RAP1GAP2: variants seen among roughly 807,000 people sequenced by gnomAD.
The protein encoded by RAP1GAP2 is RAP1 GTPase activating protein 2, also known as rap1 GTPase-activating protein 2.
In RAP1GAP2, 27 loss-of-function variants were observed where a neutral mutation model predicts 95.0. The ratio of observed to expected loss-of-function variants is 0.28; its 90% CI spans 0.21 to 0.39. The LOEUF (loss-of-function observed/expected upper bound fraction) is 0.39, where lower values mean the gene tolerates loss of function less well. RAP1GAP2 is among the 10% of genes least tolerant of loss of function. The pLI is 1.00. For synonymous variants in RAP1GAP2, 373 were observed against 380.9 expected, an observed-to-expected ratio of 0.98 and a Z score of 0.24; for missense variants, 771 against 970.0, an observed-to-expected ratio of 0.79 and a Z score of 2.72.
chr17:2,828,974 T>G (rs57293133), intron 2 of RAP1GAP2, among the ~76,000 whole-genome samples: 3,124 of 131,134 alleles, frequency 0.024, 114 homozygotes, highest in African/African-American at 0.084. Flanking sequence ...TCTCAAAGAT[T>G]AATTACTTGC....
At position 2,865,244 on chromosome 17, in the gene RAP1GAP2, C is replaced by A. The variant is rs149289871; in HGVS notation, c.81-40040C>A. Among the ~76,000 whole-genome samples the A allele has an allele frequency of 5.5e-3, 832 of 152,306 alleles. 14 individuals are homozygous for A. The highest frequency in any genetic ancestry group is 6.8e-3 in the Middle Eastern group (2 of 294). Reference sequence around the variant, plus strand: ...GAGAGACCAGGTGTCCTGGTCAAGACTCCAAAACTCTGTTTTGGGTCTCCT... The same window carrying A: ...GAGAGACCAGGTGTCCTGGTCAAGAATCCAAAACTCTGTTTTGGGTCTCCT... On this transcript the variant is annotated intron_variant, in intron 2 of 24. Transcript: ENST00000254695.
intron 2 of RAP1GAP2, among the ~76,000 whole-genome samples, chr17:2,815,185 A>C (rs183942379): frequency 1.2e-4 from 19 of 152,256 alleles, no homozygotes; most frequent in Non-Finnish European, 2.2e-4. Flanking sequence ...GCTGCTGATG[A>C]GGCAGCTGGC....
chr17:2,850,443 T>C (rs1248237402), intron 2 of RAP1GAP2, among the ~76,000 whole-genome samples: 1 of 151,896 alleles, frequency 6.6e-6, no homozygotes, highest in Non-Finnish European at 1.5e-5. Flanking sequence ...GCAATAACGT[T>C]TTCTTTTAAA....
chr17:2,757,071 A>G (rs1481709779), intron 1 of RAP1GAP2, among the ~76,000 whole-genome samples: 1 of 152,246 alleles, frequency 6.6e-6, no homozygotes, highest in East Asian at 1.9e-4. Flanking sequence ...TCACTCTTCA[A>G]GTGAAGCTCC....
chr17:2,954,230 G>C (rs1262687475), intron 3 of RAP1GAP2, among the ~76,000 whole-genome samples: 1 of 151,404 alleles, frequency 6.6e-6, no homozygotes, highest in East Asian at 2.0e-4. Context: ...TCAGCCTCCT[G>C]AGTAGCTGGG....
At chr17:2,941,831 T>C (rs976279206) in intron 3 of RAP1GAP2, among the ~76,000 whole-genome samples, 2 of 152,082 alleles carry the variant, frequency 1.3e-5, no homozygotes, top group African/African-American at 4.8e-5. Context: ...TACAGACATG[T>C]GCCACCACGC....
chr17:2,885,784 A>G lies in RAP1GAP2; in HGVS notation c.81-19500A>G, dbSNP rs1189715735. Among the ~76,000 whole-genome samples the G allele has an allele frequency of 2.0e-5, 3 of 152,182 alleles. No individual in the cohort carries two copies. The East Asian group carries it at 5.8e-4, about 29-fold the overall frequency. ...CAGAGATCCTGAAGAGGGCCCCTTAATTCTCAGTGGCTCCAGCTGCCTGGC... is the reference window on the plus strand; with the variant it reads ...CAGAGATCCTGAAGAGGGCCCCTTAGTTCTCAGTGGCTCCAGCTGCCTGGC... On this transcript the variant is annotated intron_variant, in intron 2 of 24. Coordinates refer to ENST00000254695, the MANE Select transcript of RAP1GAP2 (RefSeq NM_015085.5).
intron 4 of RAP1GAP2, among the ~76,000 whole-genome samples, chr17:2,958,441 C>T (rs963257905): frequency 2.6e-5 from 4 of 152,070 alleles, no homozygotes; most frequent in South Asian, 2.1e-4. Context: ...TGCAGAGGCC[C>T]GGCAGGGTTC....
intron 16 of RAP1GAP2, among the ~76,000 whole-genome samples, chr17:3,007,808 A>G (rs1287080017): frequency 6.6e-6 from 1 of 152,148 alleles, no homozygotes; most frequent in East Asian, 1.9e-4. Context: ...CAGGGGGAGT[A>G]GAGCAGGAGG....
At chr17:2,840,174 T>C (rs1412480989) in intron 2 of RAP1GAP2, among the ~76,000 whole-genome samples, 8 of 151,900 alleles carry the variant, frequency 5.3e-5, no homozygotes, top group Non-Finnish European at 7.4e-5. Context: ...ATTGATTGAT[T>C]GAGATGGAGT....
chr17:2,960,146 A>G (rs1480712982), intron 4 of RAP1GAP2, among the ~76,000 whole-genome samples: 1 of 150,750 alleles, frequency 6.6e-6, no homozygotes, highest in Non-Finnish European at 1.5e-5. Context: ...AAAAAACAAC[A>G]AAAAAAGACA....
intron 11 of RAP1GAP2, 87 bp downstream of exon 11, chr17:2,985,153 T>C: frequency 6.4e-7 from 1 of 1,573,634 alleles, no homozygotes; most frequent in South Asian, 1.2e-5. Context: ...ACAGGAGTCC[T>C]GACCTGCGTT....
At chr17:2,777,939 CT>C (rs1013262881) in intron 1 of RAP1GAP2, among the ~76,000 whole-genome samples, 2 of 141,244 alleles carry the variant, frequency 1.4e-5, no homozygotes, top group Non-Finnish European at 3.1e-5. Context: ...GCTTGCACAG[CT>C]GCCAGGAGGC....
At chr17:2,758,798 C>G (rs903929293) in intron 1 of RAP1GAP2, among the ~76,000 whole-genome samples, 5 of 152,126 alleles carry the variant, frequency 3.3e-5, no homozygotes, top group African/African-American at 1.2e-4. Context: ...ACTCACTGAA[C>G]TGAAAAAACT....
At position 2,942,988 on chromosome 17, in the gene RAP1GAP2, T is replaced by C. The variant is rs536387817; in HGVS notation, c.166-14771T>C. Among the ~76,000 whole-genome samples, 90 of 152,106 alleles carry C rather than the reference T, an allele frequency of 5.9e-4. 1 individual carries two copies. The highest frequency in any genetic ancestry group is 1.5e-3 in the South Asian group (7 of 4,806). ...TTCACCATGTTGGTCAGGCTGGTCT[T>C]GAACTCCTGACCTCAAGTGATCTGC... On this transcript the variant is annotated intron_variant, in intron 3 of 24. Coordinates refer to ENST00000254695, the MANE Select transcript of RAP1GAP2 (RefSeq NM_015085.5).
intron 13 of RAP1GAP2, among the ~76,000 whole-genome samples, chr17:2,997,061 G>A (rs1180221277): frequency 6.6e-6 from 1 of 152,128 alleles, no homozygotes; most frequent in Non-Finnish European, 1.5e-5. Context: ...CCGCGGCCTT[G>A]AACTTCAGGA....
intron 2 of RAP1GAP2, among the ~76,000 whole-genome samples, chr17:2,837,979 T>C (rs1318892485): frequency 6.6e-6 from 1 of 150,434 alleles, no homozygotes; most frequent in African/African-American, 2.4e-5. Context: ...TTTACTCATC[T>C]GGAAAGGAGT....
intron 17 of RAP1GAP2, among the ~76,000 whole-genome samples, chr17:3,013,632 C>CTTTTT (rs998163717): frequency 5.3e-4 from 42 of 78,830 alleles, no homozygotes; most frequent in East Asian, 1.5e-3. Context: ...CTTTTCTTTT[C>CTTTTT]TTTTTTTTTT....
At chr17:2,951,803 G>A (rs8065113) in intron 3 of RAP1GAP2, among the ~76,000 whole-genome samples, 137,194 of 152,108 alleles carry the variant, frequency 0.9, 63,145 homozygotes, top group Non-Finnish European at 1. Flanking sequence ...GGAGGCCGAG[G>A]CAGGCGGATC....
Sources: allele counts gnomAD v4.1 joint callset (sites outside exome capture counted in the v4.1 genomes callset), GRCh38; gene constraint gnomAD v4.1.1; transcripts MANE v1.5; gene names NCBI Gene and HGNC (gene_info 2026-07-23, HGNC 2026-07-21).